The following PREP variants were observed in gnomAD, a reference collection of about 807,000 sequenced individuals.
PREP encodes prolyl endopeptidase, also known as dJ355L5.1 (prolyl endopeptidase).
A neutral mutation model predicts 87.6 loss-of-function variants in PREP; 29 were observed. That is an observed-to-expected ratio of 0.33 (90% CI 0.25 to 0.45). The LOEUF is 0.45. Among genes scored for constraint, PREP ranks in the 20% least tolerant of loss-of-function variants. The pLI is 1.00. For synonymous variants in PREP, 337 were observed against 328.6 expected (o/e 1.03, Z -0.28); for missense variants, 695 against 886.5 (o/e 0.78, Z 2.74).
chr6:105,374,525 G>A (rs1360303975), intron 4 of PREP, among the ~76,000 whole-genome samples: 1 of 151,344 alleles, frequency 6.6e-6, no homozygotes. Context: ...GTCCTATAAA[G>A]TATCTAGGCT....
chr6:105,350,250 A>C (rs1314180514), intron 7 of PREP, among the ~76,000 whole-genome samples: 1 of 152,198 alleles, frequency 6.6e-6, no homozygotes, highest in Admixed American at 6.5e-5. Context: ...AACTCACTGC[A>C]TGCCAGAAAC....
Position 105,380,524 on chromosome 6 carries a change from G to A in PREP, c.121-3005C>T, listed in dbSNP as rs551700329. 3.9e-5 allele frequency among the ~76,000 whole-genome samples: 6 copies of A among 152,312 alleles called. No individual in the cohort carries two copies. The South Asian group carries it at 1.2e-3, about 32-fold the overall frequency. On this transcript the variant is annotated intron_variant, in intron 2 of 14. Coordinates refer to ENST00000652536, the MANE Select transcript of PREP (RefSeq NM_002726.5). ...AAGTGGAGACAGACAGGCCAGTTAG[G>A]AGGCTGGGACAGTGGTTCGGGTGAG...
intron 2 of PREP, among the ~76,000 whole-genome samples, chr6:105,390,495 T>G (rs1773111897): frequency 6.6e-6 from 1 of 152,234 alleles, no homozygotes. Flanking sequence ...ATTCTACATT[T>G]AGCTAACTCA....
chr6:105,393,923 CT>C (rs571952819), intron 2 of PREP, among the ~76,000 whole-genome samples: 44 of 145,654 alleles, frequency 3.0e-4, no homozygotes, highest in South Asian at 6.6e-4. Flanking sequence ...AGGTATTTTA[CT>C]TTTTTTTTTT....
Position 105,277,179 on chromosome 6 carries a change from CAGTA to C in PREP, c.*961_*964del, listed in dbSNP as rs143389346. Among the ~76,000 whole-genome samples the C allele has an allele frequency of 7.0e-6, 1 of 143,600 alleles. No individual in the cohort carries two copies. Among genetic ancestry groups the C allele is most frequent in the Non-Finnish European group, 1.5e-5 (1 of 66,570 alleles). 94.2% of individuals were successfully genotyped at this position (143,600 alleles called of 152,430 possible). A position where few individuals can be genotyped will look rare whatever the true frequency, so the allele number is the denominator to read the frequency against. ...ACCAAAACTTTTTTTTTTTTTTTTC[CAGTA>C]AGTAAGTATGACTATTTCTATTTCC... is the stretch of plus-strand genomic sequence containing the variant. On this transcript the variant is annotated 3_prime_UTR_variant, in exon 15 of 15. Transcript: ENST00000652536.
At chr6:105,332,481 G>T (rs1771360690) in intron 8 of PREP, among the ~76,000 whole-genome samples, 1 of 152,168 alleles carries the variant, frequency 6.6e-6, no homozygotes, top group South Asian at 2.1e-4. Flanking sequence ...GGGCCACTCT[G>T]CAGATCTCAA....
Position 105,353,180 on chromosome 6 carries a change from A to G in PREP, c.718-103T>C, listed in dbSNP as rs906554129. On this transcript the variant is annotated intron_variant, in intron 6 of 14. Coordinates refer to ENST00000652536, the MANE Select transcript of PREP (RefSeq NM_002726.5). ...AAAATTAAGGTTAATTTTCAAAGGC[A>G]GTGTCTCTGCCCCAAACTCATGATC... 13 of 874,474 alleles carry G rather than the reference A, an allele frequency of 1.5e-5. No individual in the cohort carries two copies. The African/African-American group carries it at 2.2e-4, about 15-fold the overall frequency. The allele number at this position is 874,474 out of a possible 1,614,324, so 54.2% of individuals were successfully genotyped here. A position where few individuals can be genotyped will look rare whatever the true frequency, so the allele number is the denominator to read the frequency against.
At chr6:105,361,601 A>C (rs1772247498) in intron 6 of PREP, among the ~76,000 whole-genome samples, 1 of 152,228 alleles carries the variant, frequency 6.6e-6, no homozygotes, top group Admixed American at 6.5e-5. Flanking sequence ...TGACACTTGA[A>C]ATTGTCCTGG....
chr6:105,319,100 C>T (rs915439173), intron 10 of PREP, among the ~76,000 whole-genome samples: 17 of 152,212 alleles, frequency 1.1e-4, no homozygotes, highest in Non-Finnish European at 2.1e-4. Flanking sequence ...ATTCTTCTTA[C>T]TTTAGCATTT....
chr6:105,314,885 T>C (rs949461185), intron 10 of PREP, among the ~76,000 whole-genome samples: 7 of 152,160 alleles, frequency 4.6e-5, no homozygotes, highest in Non-Finnish European at 8.8e-5. Flanking sequence ...CTTACAAATG[T>C]AGTCAAAATT....
intron 6 of PREP, among the ~76,000 whole-genome samples, chr6:105,365,595 T>C (rs911475754): frequency 2.0e-5 from 3 of 152,118 alleles, no homozygotes; most frequent in Non-Finnish European, 2.9e-5. Context: ...AAGATGGTCC[T>C]TTTGCTCAGA....
intron 5 of PREP, among the ~76,000 whole-genome samples, chr6:105,371,923 A>T (rs1253394566): frequency 1.3e-5 from 2 of 152,230 alleles, no homozygotes; most frequent in African/African-American, 2.4e-5. Context: ...GTTCTCTAAC[A>T]TGAATTGGCC....
In PREP at chr6:105,377,563, T is replaced by A. The variant is rs766806997; in HGVS notation, c.121-44A>T. The A allele has an allele frequency of 2.5e-6, 4 of 1,597,718 alleles. No homozygotes were observed. In the South Asian group the frequency reaches 4.5e-5, roughly 18 times the overall value. On this transcript the variant is annotated intron_variant, in intron 2 of 14. Transcript: ENST00000652536. ...GGACAAAGCAAGTTAAATATAAAAT[T>A]TTCCATGTGAAATATTATCCACTAA... is the stretch of plus-strand genomic sequence containing the variant.
chr6:105,391,693 G>C (rs1186211391), intron 2 of PREP, among the ~76,000 whole-genome samples: 1 of 152,208 alleles, frequency 6.6e-6, no homozygotes, highest in Non-Finnish European at 1.5e-5. Context: ...GAGAGGGAGA[G>C]AGCCCATGAT....
rs201961022 is a variant in PREP at position 105,402,884 on chromosome 6, G to C, written c.8C>G (p.Ser3Cys). The change falls in exon 1 of 15, where the codon TCC becomes TGC. Residue 3 changes from serine to cysteine, a missense_variant. By Grantham distance (112) the Ser-to-Cys change is moderately radical (BLOSUM62 -1). Transcript: ENST00000652536. The stretch of plus-strand genomic sequence containing the variant: ...GCGGTACACGTCGGGGTACTGAAGG[G>C]ACAGCATGGCCGGGGACAGGCAGGG... ML[S>C]LQYPDVYRDE... The C allele has an allele frequency of 3.8e-5, 58 of 1,534,546 alleles. No homozygotes were observed. In the East Asian group the frequency reaches 6.3e-4, roughly 17 times the overall value.
At chr6:105,364,678 C>T (rs746814198) in intron 6 of PREP, among the ~76,000 whole-genome samples, 7 of 152,150 alleles carry the variant, frequency 4.6e-5, no homozygotes, top group Non-Finnish European at 7.3e-5. Flanking sequence ...ATAAATCCTC[C>T]GTCCAGTTTC....
intron 2 of PREP, among the ~76,000 whole-genome samples, chr6:105,387,607 TAA>T (rs564808829): frequency 1.1e-4 from 10 of 94,288 alleles, no homozygotes; most frequent in Admixed American, 2.5e-4. Context: ...GCTGATGAGC[TAA>T]AAAAAAAAAA....
chr6:105,333,013 C>T (rs535249586), intron 8 of PREP, among the ~76,000 whole-genome samples: 1 of 152,218 alleles, frequency 6.6e-6, no homozygotes, highest in South Asian at 2.1e-4. Context: ...ATGATTATTA[C>T]CAGATATTAA....
chr6:105,397,312 A>C (rs1359251795), intron 2 of PREP, among the ~76,000 whole-genome samples: 1 of 151,764 alleles, frequency 6.6e-6, no homozygotes, highest in Admixed American at 6.6e-5. Flanking sequence ...GATCCTTGAA[A>C]TACTGTTTCT....
Sources: gnomAD v4.1 joint callset for allele counts (sites outside exome capture counted in the v4.1 genomes callset) on GRCh38, gnomAD v4.1.1 for gene constraint, MANE v1.5 for transcripts, NCBI Gene and HGNC (gene_info 2026-07-23, HGNC 2026-07-21) for gene names.